Variants in ZFY observed in about 807,000 individuals in gnomAD.
ZFY encodes the protein zinc finger Y-chromosomal protein.
For missense variants in ZFY, 113 were observed against 170.9 expected (o/e 0.66, Z 1.89); for synonymous variants, 47 against 55.8 (o/e 0.84, Z 0.71).
In ZFY at chrY:2,935,740, G is replaced by C; in HGVS notation, c.-58G>C. On this transcript the variant is annotated 5_prime_UTR_variant, in exon 1 of 8. Coordinates refer to ENST00000155093, the MANE Select transcript of ZFY (RefSeq NM_003411.4). ...ACTGCGGACGCAGGGCACGGCACGG[G>C]GGCGAGAAGGCGAAGGCTGCAGGCG... is the stretch of plus-strand genomic sequence containing the variant. 1 of 34,737 alleles carries C rather than the reference G, an allele frequency of 2.9e-5. No individual in the cohort carries two copies. The highest frequency in any genetic ancestry group is 7.3e-5 in the Non-Finnish European group (1 of 13,742). 8.7% of individuals were successfully genotyped at this position (34,737 alleles called of 400,897 possible).
rs2051396238 is a variant in ZFY, at chrY:2,980,176, T to C, written c.*183T>C. On this transcript the variant is annotated 3_prime_UTR_variant, in exon 8 of 8. Coordinates refer to ENST00000155093, the MANE Select transcript of ZFY (RefSeq NM_003411.4). The stretch of plus-strand genomic sequence containing the variant: ...GCTGTCCTGAATCCTATTCAGTTTC[T>C]TTAATAGATGAGGAAAAATAGCAAC... The C allele has an allele frequency of 6.5e-6, 1 of 152,777 alleles. No homozygotes were observed. Among genetic ancestry groups the C allele is most frequent in the African/African-American group, 8.8e-5 (1 of 11,350 alleles). The allele number at this position is 152,777 out of a possible 400,897, so 38.1% of individuals were successfully genotyped here. A position where few individuals can be genotyped will look rare whatever the true frequency, so the allele number is the denominator to read the frequency against.
At chrY:2,974,789 G>A (rs550319518) in intron 3 of ZFY, among the ~76,000 whole-genome samples, 78 of 33,143 alleles carry the variant, frequency 2.4e-3, no homozygotes, top group African/African-American at 8.4e-3. Flanking sequence ...TCTGTACAAA[G>A]AAATAAAAAA....
intron 1 of ZFY, among the ~76,000 whole-genome samples, chrY:2,951,372 C>T: frequency 6.0e-5 from 2 of 33,106 alleles, no homozygotes; most frequent in African/African-American, 2.4e-4. Context: ...AATAGGTTTC[C>T]TAGTCATTTG....
At chrY:2,975,687 T>C (rs370658038) in intron 5 of ZFY, 33 bp downstream of exon 5, 3 of 366,534 alleles carry the variant, frequency 8.2e-6, no homozygotes, top group Non-Finnish European at 7.8e-6. Flanking sequence ...ATTTTTACTT[T>C]AAGTTCTGGG....
intron 1 of ZFY, among the ~76,000 whole-genome samples, chrY:2,939,196 A>G: frequency 3.4e-5 from 1 of 29,512 alleles, no homozygotes; most frequent in African/African-American, 1.3e-4. Context: ...CATATGTTTG[A>G]TCTCATTCAT....
intron 3 of ZFY, among the ~76,000 whole-genome samples, chrY:2,963,027 AT>A (rs2051315892): frequency 3.1e-5 from 1 of 32,013 alleles, no homozygotes; most frequent in Non-Finnish European, 7.7e-5. Flanking sequence ...AAGGGGACAT[AT>A]TTAGGGTTGA....
At chrY:2,960,561 C>A (rs2051305559) in intron 2 of ZFY, among the ~76,000 whole-genome samples, 1 of 25,815 alleles carries the variant, frequency 3.9e-5, no homozygotes, top group Non-Finnish European at 9.0e-5. Flanking sequence ...AGGGTAAAAA[C>A]GAGATATGTA....
chrY:2,967,962 A>G, intron 3 of ZFY, among the ~76,000 whole-genome samples: 1 of 33,462 alleles, frequency 3.0e-5, no homozygotes, highest in Non-Finnish European at 7.4e-5. Flanking sequence ...CAGTGCAACA[A>G]AGCCTAAAGT....
intron 1 of ZFY, among the ~76,000 whole-genome samples, chrY:2,942,024 G>A (rs2051243843): frequency 3.3e-5 from 1 of 30,386 alleles, no homozygotes; most frequent in Admixed American, 3.2e-4. Context: ...CACCATGTTG[G>A]CAAGGCTAGT....
chrY:2,976,902 C>G, intron 6 of ZFY, 80 bp downstream of exon 6: 1 of 272,945 alleles, frequency 3.7e-6, no homozygotes, highest in Non-Finnish European at 5.3e-6. Flanking sequence ...GTTGGCCAGG[C>G]GTGGTGGCTC....
intron 3 of ZFY, chrY:2,966,909 G>T: frequency 3.8e-5 from 1 of 26,435 alleles, no homozygotes; most frequent in Non-Finnish European, 8.6e-5. Flanking sequence ...CACTGATGTT[G>T]TACAGCCATT....
chrY:2,935,494 T>A lies in ZFY; in HGVS notation c.-304T>A. 5.8e-5 allele frequency: 2 copies of A among 34,333 alleles called. No homozygotes were observed. 8.6% of individuals were successfully genotyped at this position (34,333 alleles called of 400,897 possible). On this transcript the variant is annotated 5_prime_UTR_variant, in exon 1 of 8. Coordinates refer to ENST00000155093, the MANE Select transcript of ZFY (RefSeq NM_003411.4). The stretch of plus-strand genomic sequence containing the variant: ...GCCGCGGGGCCTAGTGCGCGCGCAG[T>A]AACCTGTTTGTGGCCTGGTCGGCGT...
At chrY:2,938,983 TTATATATATATATATATATATA>T (rs765202788) in intron 1 of ZFY, among the ~76,000 whole-genome samples, 2 of 5,227 alleles carry the variant, frequency 3.8e-4, no homozygotes, top group South Asian at 4.6e-3. Context: ...CATACAGTGC[TTATATATATATATATATATATA>T]TATATATATA....
intron 4 of ZFY, 109 bp downstream of exon 4, chrY:2,975,353 T>A: frequency 3.3e-6 from 1 of 300,824 alleles, no homozygotes; most frequent in Non-Finnish European, 4.7e-6. Context: ...TAACATTTAG[T>A]TTAGGTTATT....
At chrY:2,938,966 C>G in intron 1 of ZFY, among the ~76,000 whole-genome samples, 2 of 14,388 alleles carry the variant, frequency 1.4e-4, no homozygotes, top group African/African-American at 5.6e-4. Flanking sequence ...AACTTTCTTT[C>G]AAAAAGCATA....
Position 2,942,993 on chromosome Y carries a change from G to C in ZFY, c.-29+7224G>C, listed in dbSNP as rs781342980. 2.9e-3 allele frequency among the ~76,000 whole-genome samples: 96 copies of C among 33,680 alleles called. No individual in the cohort carries two copies. The East Asian group carries it at 0.06, about 21-fold the overall frequency. 90.4% of individuals were successfully genotyped at this position (33,680 alleles called of 37,273 possible). On this transcript the variant is annotated intron_variant, in intron 1 of 7. Transcript: ENST00000155093. ...CAATTTCAAAAAGTTATACTTACCA[G>C]TTGTTGTAATTTATAATAGAAATCC...
At chrY:2,947,715 T>A in intron 1 of ZFY, among the ~76,000 whole-genome samples, 3 of 33,889 alleles carry the variant, frequency 8.9e-5, no homozygotes, top group Non-Finnish European at 2.2e-4. Flanking sequence ...AAAGACAATG[T>A]GTTGAGTGGG....
At chrY:2,947,943 TAGTA>T (rs768508433) in intron 1 of ZFY, among the ~76,000 whole-genome samples, 2 of 34,149 alleles carry the variant, frequency 5.9e-5, no homozygotes, top group South Asian at 6.3e-4. Flanking sequence ...CTTTAGAGAC[TAGTA>T]AGTAACATGC....
At chrY:2,975,354 T>C in intron 4 of ZFY, 110 bp downstream of exon 4, 1 of 305,052 alleles carries the variant, frequency 3.3e-6, no homozygotes, top group Non-Finnish European at 4.7e-6. Flanking sequence ...AACATTTAGT[T>C]TAGGTTATTT....
Sources: allele counts gnomAD v4.1 joint callset (sites outside exome capture counted in the v4.1 genomes callset), GRCh38; gene constraint gnomAD v4.1.1; transcripts MANE v1.5; gene names NCBI Gene and HGNC (gene_info 2026-07-23, HGNC 2026-07-21).